Variants in PCDHA11 observed in about 807,000 individuals in gnomAD.
PCDHA11 encodes protocadherin alpha 11, also known as protocadherin alpha-11.
A neutral mutation model predicts 70.3 loss-of-function variants in PCDHA11; 61 were observed. The ratio of observed to expected loss-of-function variants is 0.87; its 90% CI spans 0.71 to 1.07. PCDHA11 has a LOEUF of 1.07. Ranked by LOEUF, PCDHA11 falls within the 50% of genes least tolerant of loss-of-function variation. The pLI, the probability that PCDHA11 is intolerant of heterozygous loss-of-function variation, is 0.00. For missense variants in PCDHA11, 1,324 were observed against 1,237.5 expected (o/e 1.07, Z -1.05); for synonymous variants, 633 against 555.1 (o/e 1.14, Z -1.97).
At chr5:140,877,811 GAGA>G in intron 1 of PCDHA11, 1 of 1,610,242 alleles carries the variant, frequency 6.2e-7, no homozygotes, top group African/African-American at 1.3e-5. Flanking sequence ...CAGCTGTCTC[GAGA>G]AGATTGTTTA....
chr5:140,948,017 T>TTTTCC (rs1351599974), intron 1 of PCDHA11, among the ~76,000 whole-genome samples: 1 of 151,262 alleles, frequency 6.6e-6, no homozygotes, highest in African/African-American at 2.4e-5. Flanking sequence ...GGAAGTACCC[T>TTTTCC]TTCTGGTTTG....
At chr5:140,983,142 CTTGGCATGCATG>C (rs1316699573) in intron 3 of PCDHA11, among the ~76,000 whole-genome samples, 4 of 152,212 alleles carry the variant, frequency 2.6e-5, no homozygotes, top group Admixed American at 6.5e-5. Flanking sequence ...CTTTTAGTGC[CTTGGCATGCATG>C]TTGCCAAACA....
Position 141,010,415 on chromosome 5 carries a change from C to T in PCDHA11, c.*478C>T. ...ACGAGCCAGCTTAGACTAATTGGTA[C>T]AAGGAAGGCAAGAAAACAAAGACAA... On this transcript the variant is annotated 3_prime_UTR_variant, in exon 4 of 4. Transcript: ENST00000398640. 1 of 1,160,734 alleles carries T rather than the reference C, an allele frequency of 8.6e-7. No homozygotes were observed. 71.9% of individuals were successfully genotyped at this position (1,160,734 alleles called of 1,614,324 possible).
At chr5:140,956,141 C>A (rs1181002106) in intron 1 of PCDHA11, among the ~76,000 whole-genome samples, 2 of 152,122 alleles carry the variant, frequency 1.3e-5, no homozygotes, top group Non-Finnish European at 2.9e-5. Context: ...CCCTTTATTT[C>A]TTTCTCTTTC....
chr5:140,909,545 C>T (rs2074570694), intron 1 of PCDHA11, among the ~76,000 whole-genome samples: 2 of 152,142 alleles, frequency 1.3e-5, no homozygotes, highest in African/African-American at 4.8e-5. Context: ...TTGATGGTGG[C>T]ACTAATCTCT....
At chr5:140,903,229 T>C (rs2153479721) in intron 1 of PCDHA11, among the ~76,000 whole-genome samples, 1 of 152,340 alleles carries the variant, frequency 6.6e-6, no homozygotes, top group South Asian at 2.1e-4. Flanking sequence ...CATCTATTAC[T>C]TTTTGATTTT....
At chr5:140,966,593 A>G in intron 1 of PCDHA11, 1 of 595,648 alleles carries the variant, frequency 1.7e-6, no homozygotes, top group Non-Finnish European at 2.6e-6. Context: ...CGGTGGGGCC[A>G]GGAGCCCTTG....
intron 1 of PCDHA11, among the ~76,000 whole-genome samples, chr5:140,923,186 C>T (rs559668347): frequency 2.0e-5 from 3 of 152,206 alleles, no homozygotes; most frequent in African/African-American, 7.2e-5. Context: ...GATGCATCTA[C>T]TGCAGCAATT....
At chr5:140,932,734 C>G (rs1295804671) in intron 1 of PCDHA11, among the ~76,000 whole-genome samples, 2 of 151,588 alleles carry the variant, frequency 1.3e-5, no homozygotes, top group Non-Finnish European at 1.5e-5. Context: ...AATATAGACC[C>G]TCAAATCAGT....
intron 1 of PCDHA11, among the ~76,000 whole-genome samples, chr5:140,936,711 A>G (rs2091105126): frequency 6.6e-6 from 1 of 152,212 alleles, no homozygotes; most frequent in African/African-American, 2.4e-5. Flanking sequence ...TCTTGTGCCA[A>G]TACATTCTGT....
chr5:140,945,709 G>C (rs1033770128), intron 1 of PCDHA11, among the ~76,000 whole-genome samples: 4 of 151,930 alleles, frequency 2.6e-5, no homozygotes, highest in Admixed American at 1.3e-4. Flanking sequence ...TGCAACAAAA[G>C]TATCAAGAAT....
chr5:140,964,847 C>T (rs2095858231), intron 1 of PCDHA11, among the ~76,000 whole-genome samples: 1 of 152,124 alleles, frequency 6.6e-6, no homozygotes, highest in African/African-American at 2.4e-5. Flanking sequence ...ACTCTGTACC[C>T]TTGAGGAAAC....
intron 1 of PCDHA11, among the ~76,000 whole-genome samples, chr5:140,916,214 C>A (rs1294292456): frequency 6.6e-6 from 1 of 152,266 alleles, no homozygotes; most frequent in African/African-American, 2.4e-5. Flanking sequence ...TGGGGAAGAT[C>A]CAAATATGCT....
chr5:140,870,764 T>A lies in PCDHA11; in HGVS notation c.1661T>A (p.Val554Glu). ...AGCAACGTGACGCTGCAGGTGTTCG[T>A]GCTGGACGAGAACGACAACGCGCCG... ...LSSNVTLQVF[V>E]LDENDNAPAL... The change falls in exon 1 of 4, where the codon GTG (valine) becomes GAG (glutamate). Residue 554 changes from valine to glutamate, a missense_variant. Physicochemically the swap from Val to Glu is moderately radical, Grantham distance 121. Coordinates refer to ENST00000398640, the MANE Select transcript of PCDHA11 (RefSeq NM_018902.5). 1 of 1,613,600 alleles carries A rather than the reference T, an allele frequency of 6.2e-7. No individual in the cohort carries two copies. Among genetic ancestry groups the A allele is most frequent in the Non-Finnish European group, 8.5e-7 (1 of 1,179,886 alleles).
rs200436467 is a variant in PCDHA11 at position 140,883,790 on chromosome 5, G to A, written c.2391+12296G>A. 640 of 1,612,406 alleles carry A rather than the reference G, an allele frequency of 4.0e-4. No individual in the cohort carries two copies. The highest frequency in any genetic ancestry group is 5.2e-4 in the Non-Finnish European group (616 of 1,179,760). ...GGGCGAGCGTGCGCTGTCGAGCTAC[G>A]TGTCGGTGCACGCGGAGAGCGGCAA... is the stretch of plus-strand genomic sequence containing the variant. On this transcript the variant is annotated intron_variant, in intron 1 of 3. Transcript: ENST00000398640.
intron 1 of PCDHA11, among the ~76,000 whole-genome samples, chr5:140,951,082 CTTT>C (rs573059224): frequency 6.6e-6 from 1 of 151,404 alleles, no homozygotes; most frequent in African/African-American, 2.4e-5. Flanking sequence ...TTATATTTTC[CTTT>C]TTTTCTGATA....
chr5:140,908,431 G>A (rs949756474), intron 1 of PCDHA11, among the ~76,000 whole-genome samples: 4 of 152,152 alleles, frequency 2.6e-5, no homozygotes, highest in Non-Finnish European at 5.9e-5. Context: ...GCTGCTGTGC[G>A]CACCCCACTT....
chr5:140,932,687 T>A (rs1285364025), intron 1 of PCDHA11, among the ~76,000 whole-genome samples: 2 of 151,810 alleles, frequency 1.3e-5, no homozygotes, highest in Non-Finnish European at 2.9e-5. Context: ...TATATTCAAA[T>A]TAAAAAACTC....
chr5:140,951,603 T>G (rs1056623799), intron 1 of PCDHA11, among the ~76,000 whole-genome samples: 2 of 152,094 alleles, frequency 1.3e-5, no homozygotes, highest in African/African-American at 4.8e-5. Flanking sequence ...CTCACTGTTA[T>G]GAGAATAGCA....
Sources: allele counts gnomAD v4.1 joint callset (sites outside exome capture counted in the v4.1 genomes callset), GRCh38; gene constraint gnomAD v4.1.1; transcripts MANE v1.5; gene names NCBI Gene and HGNC (gene_info 2026-07-23, HGNC 2026-07-21).